The following DPP6 variants were observed in gnomAD, a reference collection of about 807,000 sequenced individuals.
DPP6 encodes the protein A-type potassium channel modulatory protein DPP6.
Under a neutral mutation model 122.6 loss-of-function variants are expected in DPP6, and 69 were observed. That is an observed-to-expected ratio of 0.56 (90% CI 0.46 to 0.69). The LOEUF (loss-of-function observed/expected upper bound fraction) is 0.69. DPP6 is among the 30% of genes least tolerant of loss of function. The pLI, the probability that DPP6 is intolerant of heterozygous loss-of-function variation, is 0.00. For missense variants in DPP6, 928 were observed against 1,116.9 expected, an observed-to-expected ratio of 0.83 and a Z score of 2.41; for synonymous variants, 418 against 433.1, an observed-to-expected ratio of 0.97 and a Z score of 0.43.
At chr7:154,773,657 A>G (rs989393806) in intron 10 of DPP6, among the ~76,000 whole-genome samples, 11 of 152,210 alleles carry the variant, frequency 7.2e-5, no homozygotes, top group Non-Finnish European at 1.6e-4. Context: ...CCACCCAAGT[A>G]TAGATTCTGA....
chr7:154,731,598 T>A (rs557346047), intron 8 of DPP6, among the ~76,000 whole-genome samples: 1 of 152,294 alleles, frequency 6.6e-6, no homozygotes, highest in Admixed American at 6.5e-5. Context: ...ACTCAGTGTA[T>A]CTGTCTTGCT....
At chr7:153,757,820 G>A in the DPP6 span, among the ~76,000 whole-genome samples, 72 of 149,282 alleles carry the variant, frequency 4.8e-4, no homozygotes, top group Non-Finnish European at 6.2e-4. Context: ...AGCCAGGCAC[G>A]GTGTGGTGCA....
In DPP6 at chr7:154,705,163, G is replaced by A. The variant is rs967472012; in HGVS notation, c.763-22604G>A. ...GGAGGGCATAGAAAATATTGTAACT[G>A]TAGCCAAAGAAGTGGATATATTTGT... On this transcript the variant is annotated intron_variant, in intron 7 of 25. Coordinates refer to ENST00000377770, the MANE Select transcript of DPP6 (RefSeq NM_130797.4). Among the ~76,000 whole-genome samples, 32 of 152,168 alleles carry A rather than the reference G, an allele frequency of 2.1e-4. 1 individual carries two copies. The highest frequency in any genetic ancestry group is 2.0e-4 in the Admixed American group (3 of 15,286).
At chr7:154,159,169 C>T (rs921237797) in intron 1 of DPP6, among the ~76,000 whole-genome samples, 6 of 152,164 alleles carry the variant, frequency 3.9e-5, no homozygotes, top group African/African-American at 1.2e-4. Context: ...TGCCCTTCCC[C>T]GCACCCGGGC....
intron 1 of DPP6, among the ~76,000 whole-genome samples, chr7:154,065,176 C>A (rs1802606460): frequency 6.6e-6 from 1 of 152,092 alleles, no homozygotes; most frequent in African/African-American, 2.4e-5. Context: ...TTGTGATGAG[C>A]AGCAGCTGGA....
chr7:154,488,764 A>G (rs1824016985), intron 3 of DPP6, among the ~76,000 whole-genome samples: 2 of 152,120 alleles, frequency 1.3e-5, no homozygotes, highest in African/African-American at 2.4e-5. Flanking sequence ...GCATGAAGCT[A>G]TGTCCTATGG....
At chr7:153,760,322 A>C in the DPP6 span, among the ~76,000 whole-genome samples, 3 of 152,148 alleles carry the variant, frequency 2.0e-5, no homozygotes, top group Non-Finnish European at 1.5e-5. Flanking sequence ...AGCTGTAATA[A>C]TTGTTTTAAT....
chr7:154,513,814 A>G (rs1826274548), intron 3 of DPP6, among the ~76,000 whole-genome samples: 1 of 152,152 alleles, frequency 6.6e-6, no homozygotes, highest in Non-Finnish European at 1.5e-5. Flanking sequence ...GGCACGTGCC[A>G]CCCAGCAGCA....
At chr7:154,543,248 G>A (rs1828873600) in intron 4 of DPP6, among the ~76,000 whole-genome samples, 2 of 152,192 alleles carry the variant, frequency 1.3e-5, no homozygotes, top group African/African-American at 4.8e-5. Context: ...TAAACAAGTT[G>A]AGAAATGGAA....
intron 1 of DPP6, among the ~76,000 whole-genome samples, chr7:154,296,516 G>A (rs1805552151): frequency 6.6e-6 from 1 of 152,184 alleles, no homozygotes; most frequent in Admixed American, 6.5e-5. Context: ...CTGGACACAT[G>A]GGCTCAGGCC....
At chr7:154,000,755 T>C (rs1797652104) in intron 1 of DPP6, among the ~76,000 whole-genome samples, 1 of 152,042 alleles carries the variant, frequency 6.6e-6, no homozygotes. Flanking sequence ...CGCGTATTCA[T>C]CTGTGCAATC....
intron 1 of DPP6, among the ~76,000 whole-genome samples, chr7:154,014,624 T>C (rs1798311916): frequency 6.6e-6 from 1 of 151,540 alleles, no homozygotes; most frequent in Non-Finnish European, 1.5e-5. Context: ...ATTTTGCCAC[T>C]GCACTCGAGC....
At chr7:154,248,325 C>T (rs1802123574) in intron 1 of DPP6, among the ~76,000 whole-genome samples, 3 of 152,096 alleles carry the variant, frequency 2.0e-5, no homozygotes, top group African/African-American at 4.8e-5. Context: ...AGGGATGAGT[C>T]TTAGACGTGA....
intron 3 of DPP6, among the ~76,000 whole-genome samples, chr7:154,529,275 C>T (rs570105917): frequency 4.6e-5 from 7 of 152,240 alleles, no homozygotes; most frequent in African/African-American, 1.7e-4. Flanking sequence ...TGCTGAATGA[C>T]CTGTGAATCA....
At chr7:154,283,935 T>C (rs1804686090) in intron 1 of DPP6, among the ~76,000 whole-genome samples, 1 of 152,198 alleles carries the variant, frequency 6.6e-6, no homozygotes, top group South Asian at 2.1e-4. Context: ...AAGCAGCTGT[T>C]TCAGAATTCA....
the DPP6 span, among the ~76,000 whole-genome samples, chr7:153,800,095 T>C: frequency 6.6e-6 from 1 of 152,122 alleles, no homozygotes; most frequent in African/African-American, 2.4e-5. Context: ...CAAAAGAAAT[T>C]GGTATGTCAA....
intron 1 of DPP6, among the ~76,000 whole-genome samples, chr7:154,084,989 C>CAAAAAAAA (rs370222780): frequency 2.6e-5 from 2 of 78,420 alleles, no homozygotes; most frequent in African/African-American, 5.3e-5. Context: ...GACTCCGTCT[C>CAAAAAAAA]AAAAAAAAAA....
chr7:154,440,221 G>A (rs1257003780), intron 1 of DPP6, among the ~76,000 whole-genome samples: 1 of 152,166 alleles, frequency 6.6e-6, no homozygotes, highest in African/African-American at 2.4e-5. Context: ...TTCCCGCATT[G>A]GTTGCTTCAG....
rs535388879 is a variant in DPP6, at chr7:154,756,972, G to T, written c.884-12445G>T. ...TTTATATCTGCTGAGGAACAAGCCA[G>T]CCCCTTCTCCATCCCTCACGGCCCC... is the stretch of plus-strand genomic sequence containing the variant. On this transcript the variant is annotated intron_variant, in intron 8 of 25. Coordinates refer to ENST00000377770, the MANE Select transcript of DPP6 (RefSeq NM_130797.4). Among the ~76,000 whole-genome samples the T allele has an allele frequency of 3.7e-4, 55 of 150,322 alleles. 1 individual carries two copies. The South Asian group carries it at 0.011, about 30-fold the overall frequency.
Sources: gnomAD v4.1 joint callset for allele counts (sites outside exome capture counted in the v4.1 genomes callset) on GRCh38, gnomAD v4.1.1 for gene constraint, MANE v1.5 for transcripts, NCBI Gene and HGNC (gene_info 2026-07-23, HGNC 2026-07-21) for gene names.